MYZAP: variants seen among roughly 807,000 people sequenced by gnomAD.
MYZAP encodes GRINL1A complex locus upstream.
MYZAP carries 66 observed loss-of-function variants against 69.4 expected under a neutral mutation model. That is an observed-to-expected ratio of 0.95 (90% confidence interval 0.78 to 1.17). The LOEUF (loss-of-function observed/expected upper bound fraction) is 1.17, where lower values mean the gene tolerates loss of function less well. Among genes scored for constraint, MYZAP ranks in the 50% most tolerant of loss-of-function variants. The pLI, the probability that MYZAP is intolerant of heterozygous loss-of-function variation, is 0.00. For synonymous variants in MYZAP, 256 were observed against 205.9 expected (o/e 1.24, Z -2.09); for missense variants, 611 against 556.2 (o/e 1.10, Z -0.99).
chr15:57,630,965 CG>C (rs1567216953), intron 6 of MYZAP, among the ~76,000 whole-genome samples: 1 of 152,110 alleles, frequency 6.6e-6, no homozygotes, highest in East Asian at 1.9e-4. Context: ...GAGGGGCTGC[CG>C]GTCCACCGCC....
At chr15:57,676,447 T>C (rs1263062579) in intron 12 of MYZAP, among the ~76,000 whole-genome samples, 16 of 89,256 alleles carry the variant, frequency 1.8e-4, no homozygotes, top group Non-Finnish European at 3.0e-4. Flanking sequence ...TATATATATA[T>C]ATATATATAT....
intron 11 of MYZAP, among the ~76,000 whole-genome samples, chr15:57,669,460 A>T (rs988304159): frequency 1.3e-5 from 2 of 151,830 alleles, no homozygotes; most frequent in African/African-American, 4.8e-5. Context: ...TTAATTTCTG[A>T]TATTATTTGT....
chr15:57,648,568 A>G, intron 10 of MYZAP: 1 of 717,494 alleles, frequency 1.4e-6, no homozygotes, highest in Non-Finnish European at 1.7e-6. Context: ...TTAGAGTCTT[A>G]AAAAATAAGT....
intron 10 of MYZAP, 78 bp from the exon 11 acceptor site, chr15:57,661,372 C>T: frequency 9.9e-7 from 1 of 1,014,268 alleles, no homozygotes; most frequent in East Asian, 2.6e-5. Context: ...AAACCAAGGG[C>T]ATCTATTCCA....
rs182392867 is a variant in MYZAP at position 57,643,556 on chromosome 15, C to T, written c.1119+4011C>T. On this transcript the variant is annotated intron_variant, in intron 10 of 12. Coordinates refer to ENST00000267853, the MANE Select transcript of MYZAP (RefSeq NM_001018100.5). ...TTCAGTCCACAGAGTCATTCACACC[C>T]TCTTTACCTGCTCTCACCATGGCTC... is the stretch of plus-strand genomic sequence containing the variant. 7.5e-4 allele frequency among the ~76,000 whole-genome samples: 114 copies of T among 152,278 alleles called. 2 individuals carry two copies. Among genetic ancestry groups the T allele is most frequent in the African/African-American group, 2.7e-3 (111 of 41,538 alleles).
In MYZAP at chr15:57,633,747, A is replaced by G. The variant is rs1347254150; in HGVS notation, c.933+6A>G. 2 of 1,599,326 alleles carry G rather than the reference A, an allele frequency of 1.3e-6. No individual in the cohort carries two copies. The highest frequency in any genetic ancestry group is 3.4e-5 in the Admixed American group (2 of 58,300). On this transcript the variant is annotated splice_donor_region_variant and intron_variant, in intron 8 of 12. Coordinates refer to ENST00000267853, the MANE Select transcript of MYZAP (RefSeq NM_001018100.5). ...TGATTGAGCGCATGGAAAAGGTAGG[A>G]CACAGCGTTGGGCCTATTGCCCACT...
Position 57,674,975 on chromosome 15 carries a change from A to C in MYZAP, c.1211A>C (p.Glu404Ala). 6.2e-7 allele frequency: 1 copy of C among 1,611,928 alleles called. No homozygotes were observed. The highest frequency in any genetic ancestry group is 8.5e-7 in the Non-Finnish European group (1 of 1,179,122). The change falls in exon 12 of 13, where the codon GAA becomes GCA. Residue 404 changes from glutamate (E) to alanine (A), a missense_variant. By Grantham distance (107) the Glu-to-Ala change is moderately radical. Transcript: ENST00000267853. ...KISFLEGENN[E>A]LQSRLDYLTE... ...TTTTTTTCTCATCTCCAGAATAATG[A>C]ACTACAAAGCAGGTTGGACTATTTA... is the stretch of plus-strand genomic sequence containing the variant.
chr15:57,645,223 T>C (rs868025460), intron 10 of MYZAP, among the ~76,000 whole-genome samples: 2 of 152,158 alleles, frequency 1.3e-5, no homozygotes, highest in Non-Finnish European at 2.9e-5. Context: ...ATCTCTTAGA[T>C]TTTTTTTAAA....
chr15:57,639,299 G>A, intron 9 of MYZAP, 141 bp from the exon 10 acceptor site: 1 of 831,142 alleles, frequency 1.2e-6, no homozygotes, highest in African/African-American at 1.7e-5. Flanking sequence ...CTCCTGCCTT[G>A]GCCTCTTGAA....
intron 2 of MYZAP, among the ~76,000 whole-genome samples, chr15:57,608,720 C>T (rs1216941130): frequency 6.6e-6 from 1 of 152,230 alleles, no homozygotes; most frequent in Non-Finnish European, 1.5e-5. Flanking sequence ...TGAATCTCTT[C>T]CCTTTGAATG....
chr15:57,682,744 G>T (rs2039506046), intron 12 of MYZAP, among the ~76,000 whole-genome samples: 2 of 152,142 alleles, frequency 1.3e-5, no homozygotes, highest in African/African-American at 4.8e-5. Flanking sequence ...CTTTGTTCCA[G>T]TCGTTCCAAA....
intron 10 of MYZAP, chr15:57,646,896 G>T: frequency 1.0e-6 from 1 of 985,408 alleles, no homozygotes; most frequent in African/African-American, 1.7e-5. Context: ...CATCCTTCAT[G>T]TATGTTTTAT....
intron 2 of MYZAP, among the ~76,000 whole-genome samples, chr15:57,609,290 G>C (rs541954810): frequency 6.6e-6 from 1 of 152,196 alleles, no homozygotes; most frequent in Non-Finnish European, 1.5e-5. Context: ...AAACGAGATG[G>C]CTTCAATAAC....
In MYZAP at chr15:57,603,318, T is replaced by G. The variant is rs77639865; in HGVS notation, c.76-951T>G. On this transcript the variant is annotated intron_variant, in intron 1 of 12. Transcript: ENST00000267853. ...TCCAACAAGCAGGGACAGCTTTTTT[T>G]TTTAAATTGTAGCAATGTACTTGTG... Among the ~76,000 whole-genome samples the G allele has an allele frequency of 5.9e-3, 897 of 152,236 alleles. 6 individuals are homozygous for G. The highest frequency in any genetic ancestry group is 0.021 in the African/African-American group (871 of 41,544).
intron 12 of MYZAP, among the ~76,000 whole-genome samples, chr15:57,675,567 C>T (rs779852903): frequency 7.2e-5 from 11 of 152,152 alleles, no homozygotes; most frequent in South Asian, 2.1e-4. Flanking sequence ...AGTACTGTAA[C>T]AGGGTATTGT....
At chr15:57,632,407 G>A (rs1361002276) in intron 6 of MYZAP, 27 bp from the exon 7 acceptor site, 2 of 1,613,818 alleles carry the variant, frequency 1.2e-6, no homozygotes, top group Admixed American at 3.3e-5. Context: ...TGCAAAAGCT[G>A]TCGTTCTGAA....
intron 2 of MYZAP, among the ~76,000 whole-genome samples, chr15:57,605,670 G>A (rs1046891185): frequency 3.3e-5 from 5 of 152,328 alleles, no homozygotes; most frequent in Admixed American, 2.6e-4. Context: ...CTAGAGAAAG[G>A]TGAGGAGTAA....
intron 10 of MYZAP, chr15:57,646,070 G>C: frequency 1.0e-6 from 1 of 983,698 alleles, no homozygotes; most frequent in Non-Finnish European, 1.4e-6. Flanking sequence ...TAGCCAAATG[G>C]GGGTAGGGGA....
At chr15:57,633,585 T>A (rs748180170) in intron 7 of MYZAP, 28 bp from the exon 8 acceptor site, 6 of 1,603,058 alleles carry the variant, frequency 3.7e-6, no homozygotes, top group Non-Finnish European at 5.1e-6. Context: ...TCCATGCCTG[T>A]ACTTAGGAGG....
Sources: gnomAD v4.1 joint callset for allele counts (sites outside exome capture counted in the v4.1 genomes callset) on GRCh38, gnomAD v4.1.1 for gene constraint, MANE v1.5 for transcripts, NCBI Gene and HGNC (gene_info 2026-07-23, HGNC 2026-07-21) for gene names.